The following SEPTIN7 variants were observed in gnomAD, a reference collection of about 807,000 sequenced individuals.
SEPTIN7 encodes septin 7.
A neutral mutation model predicts 63.3 loss-of-function variants in SEPTIN7; 10 were observed. The observed-to-expected ratio is 0.16, with a 90% CI of 0.10 to 0.27. SEPTIN7 has a LOEUF of 0.27. Among genes scored for constraint, SEPTIN7 ranks in the 10% least tolerant of loss-of-function variants. SEPTIN7 has a pLI of 1.00. For synonymous variants in SEPTIN7, 131 were observed against 165.3 expected (o/e 0.79, Z 1.59); for missense variants, 310 against 521.0 (o/e 0.59, Z 3.94).
chr7:35,880,271 G>T, intron 7 of SEPTIN7, among the ~76,000 whole-genome samples: 2 of 115,556 alleles, frequency 1.7e-5, no homozygotes, highest in Non-Finnish European at 3.5e-5. Context: ...TGAATTCCCA[G>T]GAAGTGGATT....
intron 8 of SEPTIN7, among the ~76,000 whole-genome samples, chr7:35,883,434 C>A (rs934373856): frequency 7.2e-5 from 11 of 152,218 alleles, no homozygotes; most frequent in African/African-American, 2.6e-4. Context: ...CAAATCCAGT[C>A]ACCAGGATTT....
chr7:35,866,227 G>A, intron 4 of SEPTIN7, among the ~76,000 whole-genome samples: 1 of 152,170 alleles, frequency 6.6e-6, no homozygotes, highest in East Asian at 1.9e-4. Context: ...ACTTACTCAG[G>A]AAAGAACATG....
At chr7:35,897,255 CA>C (rs1343286131) in intron 11 of SEPTIN7, among the ~76,000 whole-genome samples, 1 of 152,150 alleles carries the variant, frequency 6.6e-6, no homozygotes, top group Admixed American at 6.5e-5. Context: ...GCTTTATTAA[CA>C]AAGCCAAAGA....
rs1583591575 is a variant in SEPTIN7 at position 35,868,606 on chromosome 7, T to C, written c.277-4060T>C. Among the ~76,000 whole-genome samples the C allele has an allele frequency of 2.0e-5, 3 of 152,018 alleles. No individual in the cohort carries two copies. The East Asian group carries it at 5.8e-4, about 29-fold the overall frequency. On this transcript the variant is annotated intron_variant, in intron 4 of 13. Coordinates refer to ENST00000350320, the MANE Select transcript of SEPTIN7 (RefSeq NM_001788.6). The stretch of plus-strand genomic sequence containing the variant: ...TGAGTCAGTGAAGATGGGTGATGGC[T>C]ATTAAGGAAGGGATGAAAAGGGATA...
intron 1 of SEPTIN7, among the ~76,000 whole-genome samples, chr7:35,804,375 G>C (rs1311579753): frequency 6.6e-6 from 1 of 152,192 alleles, no homozygotes; most frequent in Non-Finnish European, 1.5e-5. Flanking sequence ...TAAGCTTTGA[G>C]CATGGGCTTG....
intron 3 of SEPTIN7, among the ~76,000 whole-genome samples, chr7:35,844,198 C>T (rs1277278809): frequency 6.6e-6 from 1 of 152,190 alleles, no homozygotes; most frequent in African/African-American, 2.4e-5. Context: ...ATGCACACTA[C>T]TAATTACATT....
intron 3 of SEPTIN7, among the ~76,000 whole-genome samples, chr7:35,839,647 G>C (rs1784309511): frequency 6.6e-6 from 1 of 152,098 alleles, no homozygotes; most frequent in Non-Finnish European, 1.5e-5. Context: ...CCACCTCCCA[G>C]GTTCAAGCAA....
chr7:35,902,804 T>C (rs187930753), intron 12 of SEPTIN7: 6 of 296,682 alleles, frequency 2.0e-5, no homozygotes, highest in African/African-American at 1.3e-4. Context: ...ATAGTAATTT[T>C]CCATTATAAA....
At position 35,873,727 on chromosome 7, in the gene SEPTIN7, A is replaced by G; in HGVS notation, c.464A>G (p.Asp155Gly). The change falls in exon 6 of 14, where the codon GAT (aspartate) becomes GGT (glycine). Residue 155 changes from aspartate (D) to glycine (G), a missense_variant. By Grantham distance (94) the Asp-to-Gly change is moderately conservative. This residue lies in a region of SEPTIN7 where 255 missense variants were observed against 490.5 expected (regional missense o/e 0.52). Coordinates refer to ENST00000350320, the MANE Select transcript of SEPTIN7 (RefSeq NM_001788.6). The stretch of plus-strand genomic sequence containing the variant: ...CGAGTGAACAGACGTCAGATGCCTG[A>G]TAACAGGGTGCAGTGTTGTTTATAC... ...ESRVNRRQMP[D>G]NRVQCCLYFI... is the part of the protein sequence containing the mutation. The G allele has an allele frequency of 6.2e-7, 1 of 1,610,984 alleles. No individual in the cohort carries two copies. Among genetic ancestry groups the G allele is most frequent in the Middle Eastern group, 2.3e-4 (1 of 4,428 alleles).
intron 9 of SEPTIN7, among the ~76,000 whole-genome samples, chr7:35,885,331 G>A (rs1323584643): frequency 6.6e-6 from 1 of 152,002 alleles, no homozygotes. Context: ...CGGAGAAATT[G>A]ATTTGCATCT....
downstream of SEPTIN7, among the ~76,000 whole-genome samples, chr7:35,909,976 A>G (rs368994515): frequency 2.6e-5 from 4 of 152,318 alleles, no homozygotes; most frequent in East Asian, 5.8e-4. Context: ...GTGGGCTTCA[A>G]TGGGGCTGGG....
At position 35,905,448 on chromosome 7, in the gene SEPTIN7, T is replaced by C. The variant is rs1220875727; in HGVS notation, c.*1155T>C. ...CTCATTTAGAATGCATATGTGCTGA[T>C]TTTCTAATTTAAGAGATACCATATC... is the stretch of plus-strand genomic sequence containing the variant. On this transcript the variant is annotated 3_prime_UTR_variant, in exon 14 of 14. Coordinates refer to ENST00000350320, the MANE Select transcript of SEPTIN7 (RefSeq NM_001788.6). The C allele has an allele frequency of 2.0e-5, 3 of 152,224 alleles. No homozygotes were observed. The highest frequency in any genetic ancestry group is 7.2e-5 in the African/African-American group (3 of 41,464). 9.4% of individuals were successfully genotyped at this position (152,224 alleles called of 1,614,324 possible). A position where few individuals can be genotyped will look rare whatever the true frequency, so the allele number is the denominator to read the frequency against.
At chr7:35,876,926 G>C (rs1786507592) in intron 6 of SEPTIN7, among the ~76,000 whole-genome samples, 1 of 151,976 alleles carries the variant, frequency 6.6e-6, no homozygotes, top group Admixed American at 6.6e-5. Context: ...CCAAGATTGT[G>C]CCACTGCACT....
Position 35,906,241 on chromosome 7 carries a change from T to G in SEPTIN7, c.*1948T>G, listed in dbSNP as rs112730929. On this transcript the variant is annotated 3_prime_UTR_variant, in exon 14 of 14. Transcript: ENST00000350320. The stretch of plus-strand genomic sequence containing the variant: ...TAATAAATTTGTAAGACATTCATTA[T>G]TCTACCATCCTAATGAAAACTTTCA... The G allele has an allele frequency of 1.3e-5, 2 of 152,356 alleles. No homozygotes were observed. The highest frequency in any genetic ancestry group is 4.8e-5 in the African/African-American group (2 of 41,580). 9.4% of individuals were successfully genotyped at this position (152,356 alleles called of 1,614,324 possible).
chr7:35,836,140 TA>T (rs1784076294), intron 3 of SEPTIN7, among the ~76,000 whole-genome samples: 1 of 152,204 alleles, frequency 6.6e-6, no homozygotes, highest in African/African-American at 2.4e-5. Flanking sequence ...TTTGAATCTT[TA>T]AAAATTTAGG....
rs185031612 is a variant in SEPTIN7, at chr7:35,809,869, A to G, written c.61+8599A>G. 2.7e-3 allele frequency among the ~76,000 whole-genome samples: 406 copies of G among 152,328 alleles called. 2 individuals carry two copies. The highest frequency in any genetic ancestry group is 9.4e-3 in the African/African-American group (389 of 41,570). On this transcript the variant is annotated intron_variant, in intron 1 of 13. Transcript: ENST00000350320. ...CAGGGCACCAGGTTGGAGCCATTAAATTGAAGGAGTTTAATGTAGCAGTTT... is the reference window on the plus strand; with the variant it reads ...CAGGGCACCAGGTTGGAGCCATTAAGTTGAAGGAGTTTAATGTAGCAGTTT...
intron 1 of SEPTIN7, among the ~76,000 whole-genome samples, chr7:35,811,209 A>G (rs1188982808): frequency 6.6e-6 from 1 of 152,242 alleles, no homozygotes; most frequent in African/African-American, 2.4e-5. Flanking sequence ...TTCCATTTAT[A>G]TATTTTTTTA....
rs1394097945 is a variant in SEPTIN7 at position 35,906,147 on chromosome 7, A to G, written c.*1854A>G. 6.6e-6 allele frequency: 1 copy of G among 152,200 alleles called. No homozygotes were observed. Among genetic ancestry groups the G allele is most frequent in the Non-Finnish European group, 1.5e-5 (1 of 68,040 alleles). The allele number at this position is 152,200 out of a possible 1,614,324, so 9.4% of individuals were successfully genotyped here. ...ATGCAAAGGTAAAAAATGTATATAG[A>G]CTGCCTGCTGAACTGGTTAAGTACT... On this transcript the variant is annotated 3_prime_UTR_variant, in exon 14 of 14. Transcript: ENST00000350320.
At chr7:35,875,777 A>G (rs1418204595) in intron 6 of SEPTIN7, among the ~76,000 whole-genome samples, 1 of 151,934 alleles carries the variant, frequency 6.6e-6, no homozygotes, top group Non-Finnish European at 1.5e-5. Flanking sequence ...TCTTATACAT[A>G]CATACATACA....
Sources: allele counts gnomAD v4.1 joint callset (sites outside exome capture counted in the v4.1 genomes callset), GRCh38; gene constraint gnomAD v4.1.1; regional missense constraint gnomAD v4.1.1; transcripts MANE v1.5; gene names NCBI Gene and HGNC (gene_info 2026-07-23, HGNC 2026-07-21).